BTNL8: variants seen among roughly 807,000 people sequenced by gnomAD.
BTNL8 encodes butyrophilin like 8, also known as butyrophilin-like protein 8.
In BTNL8, 22 loss-of-function variants were observed where a neutral mutation model predicts 36.1. The ratio of observed to expected loss-of-function variants is 0.61; its 90% CI spans 0.44 to 0.87. The LOEUF is 0.87. Among genes scored for constraint, BTNL8 ranks in the 40% least tolerant of loss-of-function variants. BTNL8 has a pLI of 0.00. For missense variants in BTNL8, 526 were observed against 616.9 expected (o/e 0.85, Z 1.56); for synonymous variants, 203 against 235.6 (o/e 0.86, Z 1.27).
At chr5:180,908,971 A>T in intron 2 of BTNL8, 38 bp downstream of exon 2, 1 of 1,541,282 alleles carries the variant, frequency 6.5e-7, no homozygotes, top group Non-Finnish European at 8.8e-7. Flanking sequence ...GTCCCAAAGA[A>T]CCATCCTGGA....
chr5:180,911,425 C>T lies in BTNL8; in HGVS notation c.484C>T (p.Arg162Trp), dbSNP rs766111997. The part of the protein sequence containing the change: ...LLCQSSGWFP[R>W]PTAKWKGPQG... ...CTGTCAGTCCTCGGGCTGGTTCCCC[C>T]GGCCCACAGCGAAGTGGAAAGGTCC... The change falls in exon 3 of 8, where the codon CGG becomes TGG. Residue 162 changes from arginine (R) to tryptophan (W), a missense_variant. Arg to Trp is a moderately radical substitution (Grantham distance 101, BLOSUM62 -3). Transcript: ENST00000340184. 3.4e-5 allele frequency: 55 copies of T among 1,614,078 alleles called. No homozygotes were observed. The highest frequency in any genetic ancestry group is 2.0e-4 in the African/African-American group (15 of 74,916).
At chr5:180,947,392 T>C in intron 3 of BTNL8, 120 bp from the exon 4 acceptor site, 2 of 1,318,402 alleles carry the variant, frequency 1.5e-6, no homozygotes, top group Middle Eastern at 2.0e-4. Flanking sequence ...ATTAAGCCTA[T>C]AGGAGAATTT....
In BTNL8 at chr5:180,911,541, C is replaced by G; in HGVS notation, c.600C>G (p.Asn200Lys). The change falls in exon 3 of 8, where the codon AAC becomes AAG. Residue 200 changes from asparagine (N) to lysine (K), a missense_variant. By Grantham distance (94) the Asn-to-Lys change is moderately conservative. Transcript: ENST00000340184. ...DVEISLTVQE[N>K]AGSISCSMRH... Reference sequence around the variant, plus strand: ...AGATCTCTCTGACCGTCCAAGAGAACGCCGGGAGCATATCCTGTTCCATGC... The same window carrying G: ...AGATCTCTCTGACCGTCCAAGAGAAGGCCGGGAGCATATCCTGTTCCATGC... 6.2e-7 allele frequency: 1 copy of G among 1,612,876 alleles called. No individual in the cohort carries two copies. The highest frequency in any genetic ancestry group is 8.5e-7 in the Non-Finnish European group (1 of 1,179,622).
intron 3 of BTNL8, among the ~76,000 whole-genome samples, chr5:180,940,646 C>A (rs891054197): frequency 6.6e-6 from 1 of 151,646 alleles, no homozygotes; most frequent in African/African-American, 2.4e-5. Context: ...AATTGACAAA[C>A]CCTTAGCTGG....
At position 180,930,078 on chromosome 5, in the gene BTNL8, C is replaced by T. The variant is rs539676194; in HGVS notation, c.674-17434C>T. Among the ~76,000 whole-genome samples, 133 of 152,254 alleles carry T rather than the reference C, an allele frequency of 8.7e-4. 1 individual carries two copies. The highest frequency in any genetic ancestry group is 6.8e-3 in the Middle Eastern group (2 of 294). On this transcript the variant is annotated intron_variant, in intron 3 of 7. Transcript: ENST00000340184. ...GTGAAAATCCTCAATAAAATACTGG[C>T]AAAGCAAATCCAGCAGCACATCAAA...
chr5:180,949,199 C>G (rs901819015), intron 6 of BTNL8, 40 bp from the exon 7 acceptor site: 1 of 1,447,462 alleles, frequency 6.9e-7, no homozygotes. Context: ...CTGTTTCCCA[C>G]GTGAGCACTG....
intron 3 of BTNL8, 51 bp from the exon 4 acceptor site, chr5:180,947,461 T>G: frequency 1.9e-6 from 3 of 1,596,244 alleles, no homozygotes; most frequent in Non-Finnish European, 2.6e-6. Context: ...AAGAATTGAA[T>G]TGTGTCTTTT....
At chr5:180,936,633 A>T (rs569291429) in intron 3 of BTNL8, among the ~76,000 whole-genome samples, 1 of 152,336 alleles carries the variant, frequency 6.6e-6, no homozygotes, top group South Asian at 2.1e-4. Flanking sequence ...GGAAGAATTA[A>T]TATTGTTTTG....
intron 1 of BTNL8, among the ~76,000 whole-genome samples, chr5:180,900,684 C>T (rs918632524): frequency 2.0e-5 from 3 of 152,176 alleles, no homozygotes; most frequent in Admixed American, 6.5e-5. Context: ...GCCAGTGATT[C>T]GTTGAGCAGG....
chr5:180,901,877 G>C (rs1471375406), intron 1 of BTNL8, among the ~76,000 whole-genome samples: 1 of 152,200 alleles, frequency 6.6e-6, no homozygotes, highest in Non-Finnish European at 1.5e-5. Flanking sequence ...ACGTGAACGT[G>C]CTAAAGAACA....
In BTNL8 at chr5:180,950,167, G is replaced by T. The variant is rs547122671; in HGVS notation, c.1126G>T (p.Gly376Trp). The change falls in exon 8 of 8, where the codon GGG (glycine) becomes TGG (tryptophan). Residue 376 changes from glycine to tryptophan, a missense_variant. This residue lies in a region of BTNL8 where 176 missense variants were observed against 292.3 expected (regional missense o/e 0.60). Transcript: ENST00000340184. ...GTACGTGACTTTGTCTCCCGATCAT[G>T]GGTACTGGGTCCTCAGACTGAATGG... ...KEYVTLSPDH[G>W]YWVLRLNGEH... 7 of 1,462,858 alleles carry T rather than the reference G, an allele frequency of 4.8e-6. No individual in the cohort carries two copies. In the African/African-American group the frequency reaches 8.3e-5, roughly 17 times the overall value. 90.6% of individuals were successfully genotyped at this position (1,462,858 alleles called of 1,614,324 possible).
intron 3 of BTNL8, among the ~76,000 whole-genome samples, chr5:180,922,090 CT>C (rs1757892966): frequency 6.6e-6 from 1 of 151,246 alleles, no homozygotes; most frequent in African/African-American, 2.4e-5. Flanking sequence ...TTTCTCTTTT[CT>C]TTATTAGCCT....
chr5:180,900,433 T>A (rs1361770451), intron 1 of BTNL8, among the ~76,000 whole-genome samples: 1 of 152,158 alleles, frequency 6.6e-6, no homozygotes, highest in South Asian at 2.1e-4. Flanking sequence ...CACGGGTGCA[T>A]GGCATGTTGC....
In BTNL8 at chr5:180,911,477, C is replaced by G; in HGVS notation, c.536C>G (p.Ser179Cys). 2 of 1,614,196 alleles carry G rather than the reference C, an allele frequency of 1.2e-6. No homozygotes were observed. The highest frequency in any genetic ancestry group is 1.7e-6 in the Non-Finnish European group (2 of 1,180,036). Reference sequence around the variant, plus strand: ...CAAGGACAGGATTTGTCCACAGACTCCAGGACAAACAGAGACATGCATGGC... The same window carrying G: ...CAAGGACAGGATTTGTCCACAGACTGCAGGACAAACAGAGACATGCATGGC... ...GPQGQDLSTD[S>C]RTNRDMHGLF... Residue 179 changes from serine to cysteine, a missense_variant, in exon 3 of 8, where the codon TCC becomes TGC. Physicochemically the swap from Ser to Cys is moderately radical, Grantham distance 112. Coordinates refer to ENST00000340184, the MANE Select transcript of BTNL8 (RefSeq NM_001040462.3).
chr5:180,918,062 A>C (rs1177210473), intron 3 of BTNL8, among the ~76,000 whole-genome samples: 1 of 151,948 alleles, frequency 6.6e-6, no homozygotes, highest in African/African-American at 2.4e-5. Context: ...CAAAGAAAGA[A>C]AAATTAATGC....
At chr5:180,937,828 T>C (rs1758729766) in intron 3 of BTNL8, among the ~76,000 whole-genome samples, 1 of 151,960 alleles carries the variant, frequency 6.6e-6, no homozygotes, top group Admixed American at 6.6e-5. Context: ...TTCAAAATAA[T>C]GATCTTAAGA....
chr5:180,940,308 C>T (rs181905745), intron 3 of BTNL8, among the ~76,000 whole-genome samples: 3 of 149,186 alleles, frequency 2.0e-5, no homozygotes, highest in Non-Finnish European at 3.0e-5. Flanking sequence ...TGCTGCACTT[C>T]AGCCTGGGCG....
intron 1 of BTNL8, among the ~76,000 whole-genome samples, chr5:180,902,181 GTTT>G (rs1430346582): frequency 2.0e-4 from 25 of 124,588 alleles, no homozygotes; most frequent in African/African-American, 9.8e-4. Context: ...AAATGGGGAT[GTTT>G]GGGTTTTTTT....
intron 3 of BTNL8, among the ~76,000 whole-genome samples, chr5:180,930,975 T>C (rs1177043670): frequency 6.6e-6 from 1 of 152,132 alleles, no homozygotes; most frequent in Non-Finnish European, 1.5e-5. Context: ...AAAGTTCATA[T>C]GGAACCACAA....
Sources: gnomAD v4.1 joint callset for allele counts (sites outside exome capture counted in the v4.1 genomes callset) on GRCh38, gnomAD v4.1.1 for gene constraint, gnomAD v4.1.1 regional missense constraint, MANE v1.5 for transcripts, NCBI Gene and HGNC (gene_info 2026-07-23, HGNC 2026-07-21) for gene names.